Variants in WWOX observed in about 807,000 individuals in gnomAD.
WWOX encodes the protein WW domain-containing oxidoreductase.
In WWOX, 69 loss-of-function variants were observed where a neutral mutation model predicts 46.2. The ratio of observed to expected loss-of-function variants is 1.49; its 90% CI spans 1.23 to 1.82. The LOEUF (loss-of-function observed/expected upper bound fraction) is 1.82. WWOX is among the 40% of genes most tolerant of loss of function. The pLI is 0.00. For synonymous variants in WWOX, 359 were observed against 202.6 expected (o/e 1.77, Z -6.56); for missense variants, 919 against 542.6 (o/e 1.69, Z -6.89).
chr16:79,080,944 C>A (rs922982100), intron 8 of WWOX, among the ~76,000 whole-genome samples: 1 of 152,172 alleles, frequency 6.6e-6, no homozygotes, highest in Non-Finnish European at 1.5e-5. Flanking sequence ...CAAGTGAATT[C>A]TTCTAGTGTA....
chr16:78,522,493 C>G (rs970429925), intron 8 of WWOX, among the ~76,000 whole-genome samples: 1 of 152,180 alleles, frequency 6.6e-6, no homozygotes, highest in African/African-American at 2.4e-5. Flanking sequence ...CGATGTCACT[C>G]TTCTCTGTCT....
chr16:78,402,357 C>A (rs1460646474), intron 6 of WWOX, among the ~76,000 whole-genome samples: 1 of 152,110 alleles, frequency 6.6e-6, no homozygotes, highest in Non-Finnish European at 1.5e-5. Flanking sequence ...GTAGATGTGC[C>A]ATATTTGTTT....
chr16:78,812,292 C>G (rs984849890), intron 8 of WWOX, among the ~76,000 whole-genome samples: 1 of 152,148 alleles, frequency 6.6e-6, no homozygotes, highest in Non-Finnish European at 1.5e-5. Context: ...ACATCAGCAG[C>G]CAGCCACAGG....
intron 8 of WWOX, among the ~76,000 whole-genome samples, chr16:79,211,285 G>C (rs2051735742): frequency 6.6e-6 from 1 of 152,162 alleles, no homozygotes; most frequent in Non-Finnish European, 1.5e-5. Context: ...ACGTTCAGAA[G>C]GATACCATCT....
At chr16:78,839,487 G>T (rs182461469) in intron 8 of WWOX, among the ~76,000 whole-genome samples, 1 of 152,306 alleles carries the variant, frequency 6.6e-6, no homozygotes, top group East Asian at 1.9e-4. Flanking sequence ...CAGAATGGAT[G>T]CATTTTATGT....
At chr16:78,815,575 T>C (rs2051307882) in intron 8 of WWOX, among the ~76,000 whole-genome samples, 1 of 152,186 alleles carries the variant, frequency 6.6e-6, no homozygotes, top group Non-Finnish European at 1.5e-5. Context: ...GCCCAATGCG[T>C]AAGCTGTCCT....
chr16:78,754,995 A>G (rs571129797), intron 8 of WWOX, among the ~76,000 whole-genome samples: 35 of 147,218 alleles, frequency 2.4e-4, no homozygotes, highest in Non-Finnish European at 3.7e-4. Flanking sequence ...GAGTTGAACA[A>G]TGAGAACACG....
At chr16:78,956,795 A>C (rs1000697503) in intron 8 of WWOX, among the ~76,000 whole-genome samples, 1 of 152,172 alleles carries the variant, frequency 6.6e-6, no homozygotes, top group Non-Finnish European at 1.5e-5. Flanking sequence ...AGGGGAAACA[A>C]AGAGGGCAAC....
At chr16:78,963,325 T>G (rs988595675) in intron 8 of WWOX, among the ~76,000 whole-genome samples, 1 of 152,014 alleles carries the variant, frequency 6.6e-6, no homozygotes, top group Non-Finnish European at 1.5e-5. Context: ...AAAAATTAGC[T>G]GCCCATGGTG....
intron 8 of WWOX, among the ~76,000 whole-genome samples, chr16:79,029,509 G>A (rs997962756): frequency 2.6e-5 from 4 of 152,164 alleles, no homozygotes; most frequent in Admixed American, 6.5e-5. Flanking sequence ...TTGGGGCAGT[G>A]AGGACTTTGG....
chr16:78,768,153 G>A (rs564937215), intron 8 of WWOX, among the ~76,000 whole-genome samples: 88 of 112,900 alleles, frequency 7.8e-4, no homozygotes, highest in African/African-American at 2.5e-3. Context: ...TTTAGGCTGC[G>A]GGGCGGGGGG....
chr16:78,843,335 C>G lies in WWOX; in HGVS notation c.1057-368273C>G, dbSNP rs542260080. Reference sequence around the variant, plus strand: ...TTTGGGCTGGTAAAGCCACCTAGGTCAGTGCCATGTCCAACCCAATCTGGA... The same window carrying G: ...TTTGGGCTGGTAAAGCCACCTAGGTGAGTGCCATGTCCAACCCAATCTGGA... On this transcript the variant is annotated intron_variant, in intron 8 of 8. Coordinates refer to ENST00000566780, the MANE Select transcript of WWOX (RefSeq NM_016373.4). Among the ~76,000 whole-genome samples the G allele has an allele frequency of 3.5e-4, 52 of 150,224 alleles. 2 individuals carry two copies. Among genetic ancestry groups the G allele is most frequent in the African/African-American group, 1.3e-3 (52 of 41,324 alleles).
intron 8 of WWOX, among the ~76,000 whole-genome samples, chr16:79,065,061 G>C (rs2048418071): frequency 6.6e-6 from 1 of 152,134 alleles, no homozygotes; most frequent in African/African-American, 2.4e-5. Flanking sequence ...GCCTGTGTGT[G>C]TCTCTAGGAC....
chr16:79,036,691 A>G (rs2047873456), intron 8 of WWOX, among the ~76,000 whole-genome samples: 1 of 152,232 alleles, frequency 6.6e-6, no homozygotes, highest in African/African-American at 2.4e-5. Flanking sequence ...CCTGCACTTG[A>G]TTGAACGAGT....
At chr16:78,172,557 C>T (rs553465946) in intron 5 of WWOX, among the ~76,000 whole-genome samples, 5 of 151,652 alleles carry the variant, frequency 3.3e-5, no homozygotes, top group East Asian at 1.9e-4. Flanking sequence ...GAATGTTATT[C>T]ATTGTTCTTT....
chr16:78,331,117 C>A (rs1416898295), intron 5 of WWOX, among the ~76,000 whole-genome samples: 1 of 151,988 alleles, frequency 6.6e-6, no homozygotes, highest in Non-Finnish European at 1.5e-5. Context: ...TTTTTTAACA[C>A]CTACGGTCCC....
At chr16:79,076,290 T>A (rs1383077444) in intron 8 of WWOX, among the ~76,000 whole-genome samples, 2 of 152,244 alleles carry the variant, frequency 1.3e-5, no homozygotes, top group African/African-American at 2.4e-5. Context: ...AATCACTTTT[T>A]CCTAGTATCT....
intron 8 of WWOX, among the ~76,000 whole-genome samples, chr16:79,160,069 C>A (rs2050455493): frequency 6.6e-6 from 1 of 152,152 alleles, no homozygotes; most frequent in African/African-American, 2.4e-5. Context: ...GAATCTGTTC[C>A]CATTTGCAGT....
chr16:79,151,682 T>TA (rs11399759), intron 8 of WWOX, among the ~76,000 whole-genome samples: 53,490 of 151,926 alleles, frequency 0.35, 9,936 homozygotes, highest in East Asian at 0.52. Context: ...AGGCAAGAAG[T>TA]AAGTGGCCAC....
Sources: allele counts gnomAD v4.1 joint callset (sites outside exome capture counted in the v4.1 genomes callset), GRCh38; gene constraint gnomAD v4.1.1; transcripts MANE v1.5; gene names NCBI Gene and HGNC (gene_info 2026-07-23, HGNC 2026-07-21).